ARHGAP24: variants seen among roughly 807,000 people sequenced by gnomAD.
The protein encoded by ARHGAP24 is Rho GTPase activating protein 24.
Under a neutral mutation model 76.4 loss-of-function variants are expected in ARHGAP24, and 50 were observed. The observed-to-expected ratio is 0.65, with a 90% CI of 0.52 to 0.83. The LOEUF is 0.83. ARHGAP24 is among the 40% of genes least tolerant of loss of function. ARHGAP24 has a pLI of 0.00. For missense variants in ARHGAP24, 930 were observed against 914.2 expected (o/e 1.02, Z -0.22); for synonymous variants, 345 against 323.3 (o/e 1.07, Z -0.72).
chr4:85,654,822 AT>A (rs1368451241), intron 2 of ARHGAP24, among the ~76,000 whole-genome samples: 7 of 152,180 alleles, frequency 4.6e-5, no homozygotes, highest in Admixed American at 4.6e-4. Context: ...ATTATATAAC[AT>A]GATATAAATG....
intron 3 of ARHGAP24, among the ~76,000 whole-genome samples, chr4:85,828,409 A>T (rs1363443809): frequency 3.3e-5 from 5 of 152,082 alleles, no homozygotes; most frequent in Non-Finnish European, 7.4e-5. Flanking sequence ...GAGAGAGTAG[A>T]GTGCCTTAGG....
chr4:85,905,838 T>C (rs1443675262), intron 3 of ARHGAP24, among the ~76,000 whole-genome samples: 1 of 152,228 alleles, frequency 6.6e-6, no homozygotes, highest in African/African-American at 2.4e-5. Context: ...GTTTCAAGTA[T>C]GTAGATGATC....
At chr4:85,579,979 AG>A (rs1727541387) in intron 2 of ARHGAP24, among the ~76,000 whole-genome samples, 1 of 152,300 alleles carries the variant, frequency 6.6e-6, no homozygotes, top group Admixed American at 6.5e-5. Flanking sequence ...CTAGGAGTGG[AG>A]TGACTGTGTC....
intron 3 of ARHGAP24, among the ~76,000 whole-genome samples, chr4:85,908,485 T>C (rs1734893851): frequency 6.6e-6 from 1 of 152,260 alleles, no homozygotes; most frequent in African/African-American, 2.4e-5. Flanking sequence ...AGTTGCTAGA[T>C]ATTTAGGCTT....
intron 5 of ARHGAP24, among the ~76,000 whole-genome samples, chr4:85,945,470 A>G (rs1003486477): frequency 1.3e-5 from 2 of 152,144 alleles, no homozygotes; most frequent in African/African-American, 2.4e-5. Flanking sequence ...CTTAAAAGTT[A>G]CATATGAAAA....
chr4:85,502,268 T>C (rs1723850948), intron 1 of ARHGAP24, among the ~76,000 whole-genome samples: 1 of 152,182 alleles, frequency 6.6e-6, no homozygotes, highest in African/African-American at 2.4e-5. Flanking sequence ...AGAAAGTCAT[T>C]GGTAGCTTGA....
At chr4:85,860,231 A>T (rs1166328735) in intron 3 of ARHGAP24, among the ~76,000 whole-genome samples, 1 of 152,126 alleles carries the variant, frequency 6.6e-6, no homozygotes, top group Non-Finnish European at 1.5e-5. Flanking sequence ...TATGGAGAAT[A>T]TAAAAAGCAA....
At chr4:85,497,204 C>G (rs1723617941) in intron 1 of ARHGAP24, among the ~76,000 whole-genome samples, 1 of 152,152 alleles carries the variant, frequency 6.6e-6, no homozygotes, top group Admixed American at 6.5e-5. Context: ...GTGAATAAAT[C>G]CCACCATGCC....
chr4:85,475,994 A>C (rs1002794278), intron 1 of ARHGAP24, among the ~76,000 whole-genome samples: 8 of 150,536 alleles, frequency 5.3e-5, no homozygotes, highest in Non-Finnish European at 1.2e-4. Context: ...AGGTTTTAAT[A>C]ATAAGCATAT....
intron 8 of ARHGAP24, among the ~76,000 whole-genome samples, chr4:85,985,050 G>C (rs986995690): frequency 2.6e-5 from 4 of 152,122 alleles, no homozygotes; most frequent in African/African-American, 9.7e-5. Flanking sequence ...TCAAACTCCT[G>C]ACCTCAGGTG....
intron 3 of ARHGAP24, among the ~76,000 whole-genome samples, chr4:85,785,640 C>T (rs1727803986): frequency 6.6e-6 from 1 of 152,028 alleles, no homozygotes; most frequent in South Asian, 2.1e-4. Context: ...CTTAGTGTCA[C>T]AAAACAAGCA....
At chr4:85,478,254 C>A (rs1330445182) in intron 1 of ARHGAP24, among the ~76,000 whole-genome samples, 1 of 152,174 alleles carries the variant, frequency 6.6e-6, no homozygotes, top group Non-Finnish European at 1.5e-5. Flanking sequence ...CTCCCAGATA[C>A]AGAAAGATAT....
chr4:85,962,714 G>T (rs1038881387), intron 5 of ARHGAP24, among the ~76,000 whole-genome samples: 1 of 151,330 alleles, frequency 6.6e-6, no homozygotes, highest in African/African-American at 2.4e-5. Context: ...GTCAGAGAAG[G>T]AGTTAATGTG....
At chr4:85,819,325 A>G (rs1479916241) in intron 3 of ARHGAP24, among the ~76,000 whole-genome samples, 2 of 152,208 alleles carry the variant, frequency 1.3e-5, no homozygotes, top group Admixed American at 6.5e-5. Flanking sequence ...TCATTTCCAC[A>G]TCCAATATCT....
At chr4:85,521,188 G>A (rs964970695) in intron 1 of ARHGAP24, among the ~76,000 whole-genome samples, 28 of 152,074 alleles carry the variant, frequency 1.8e-4, no homozygotes, top group African/African-American at 5.3e-4. Flanking sequence ...CCAATACACT[G>A]ACTCTTGAAA....
chr4:85,681,115 A>C (rs756783109), intron 2 of ARHGAP24, among the ~76,000 whole-genome samples: 1 of 152,192 alleles, frequency 6.6e-6, no homozygotes, highest in Non-Finnish European at 1.5e-5. Flanking sequence ...TAATTTTAAG[A>C]CTTGAAACTA....
chr4:85,935,389 C>T (rs750786225), intron 4 of ARHGAP24, among the ~76,000 whole-genome samples: 9 of 152,146 alleles, frequency 5.9e-5, no homozygotes, highest in Non-Finnish European at 1.0e-4. Flanking sequence ...GTAGGTGCCC[C>T]TGAACAAAAG....
At chr4:85,683,164 A>G (rs1359452612) in intron 2 of ARHGAP24, among the ~76,000 whole-genome samples, 1 of 120,806 alleles carries the variant, frequency 8.3e-6, no homozygotes, top group Non-Finnish European at 1.9e-5. Flanking sequence ...GAGATTTAGT[A>G]AATATTGATA....
intron 3 of ARHGAP24, among the ~76,000 whole-genome samples, chr4:85,880,257 T>C (rs1373268312): frequency 6.6e-6 from 1 of 152,180 alleles, no homozygotes; most frequent in South Asian, 2.1e-4. Flanking sequence ...TGATGTAAGA[T>C]GATACAATGC....
Sources: allele counts gnomAD v4.1 joint callset (sites outside exome capture counted in the v4.1 genomes callset), GRCh38; gene constraint gnomAD v4.1.1; transcripts MANE v1.5; gene names NCBI Gene and HGNC (gene_info 2026-07-23, HGNC 2026-07-21).